The following NSD1 variants were observed in gnomAD, a reference collection of about 807,000 sequenced individuals.
The protein encoded by NSD1 is histone-lysine N-methyltransferase, H3 lysine-36 specific.
Under a neutral mutation model 242.7 loss-of-function variants are expected in NSD1, and 26 were observed. The observed-to-expected ratio is 0.11, with a 90% CI of 0.08 to 0.15. The LOEUF is 0.15. NSD1 is among the 10% of genes least tolerant of loss of function. The pLI is 1.00. For synonymous variants in NSD1, 1,106 were observed against 1,178.1 expected, an observed-to-expected ratio of 0.94 and a Z score of 1.25; for missense variants, 2,495 against 3,272.8, an observed-to-expected ratio of 0.76 and a Z score of 5.80.
chr5:177,242,729 A>G (rs999070048), intron 8 of NSD1, among the ~76,000 whole-genome samples: 9 of 151,874 alleles, frequency 5.9e-5, no homozygotes, highest in Admixed American at 2.6e-4. Flanking sequence ...GGGTTTCTCA[A>G]TGGTAGTCGG....
At chr5:177,217,652 G>A (rs977065292) in intron 5 of NSD1, among the ~76,000 whole-genome samples, 9 of 148,678 alleles carry the variant, frequency 6.1e-5, no homozygotes, top group Admixed American at 5.4e-4. Flanking sequence ...TTTGTTTTTG[G>A]ACAGCGTCAC....
Position 177,202,525 on chromosome 5 carries a change from C to T in NSD1, c.1064-1595C>T, listed in dbSNP as rs531703367. ...TCCCAAATAGATGGGACTACAGGCACATGCCACCATCCTCAGCCAGTATTT... is the reference window on the plus strand; with the variant it reads ...TCCCAAATAGATGGGACTACAGGCATATGCCACCATCCTCAGCCAGTATTT... On this transcript the variant is annotated intron_variant, in intron 3 of 22. Transcript: ENST00000439151. Among the ~76,000 whole-genome samples the T allele has an allele frequency of 5.9e-5, 9 of 152,180 alleles. No homozygotes were observed. In the South Asian group the frequency reaches 1.9e-3, roughly 32 times the overall value.
chr5:177,201,612 GC>G (rs575516869), intron 3 of NSD1, among the ~76,000 whole-genome samples: 15 of 148,084 alleles, frequency 1.0e-4, no homozygotes, highest in South Asian at 4.3e-4. Flanking sequence ...AGGCTAGAGT[GC>G]AGTGGTGGGA....
intron 2 of NSD1, among the ~76,000 whole-genome samples, chr5:177,170,524 T>C (rs1759610583): frequency 6.6e-6 from 1 of 152,030 alleles, no homozygotes; most frequent in Non-Finnish European, 1.5e-5. Flanking sequence ...CTAATTTTTT[T>C]TGTATTTTAG....
chr5:177,257,230 T>TTC (rs1562265682), intron 13 of NSD1, 79 bp downstream of exon 13: 15 of 430,516 alleles, frequency 3.5e-5, no homozygotes, highest in Middle Eastern at 4.3e-4. Context: ...TTTTCTTTCT[T>TTC]TTTTTTTTTT....
intron 5 of NSD1, among the ~76,000 whole-genome samples, chr5:177,213,026 T>C (rs1763481504): frequency 6.6e-6 from 1 of 152,200 alleles, no homozygotes; most frequent in African/African-American, 2.4e-5. Flanking sequence ...CTGCAAGTAT[T>C]CTGTAGTACT....
intron 2 of NSD1, among the ~76,000 whole-genome samples, chr5:177,139,632 C>T (rs1756644395): frequency 6.6e-6 from 1 of 152,086 alleles, no homozygotes; most frequent in South Asian, 2.1e-4. Context: ...TTTAGAAAAT[C>T]CTTAGCAAAT....
At chr5:177,164,149 C>CTTTTTTTTT (rs56076836) in intron 2 of NSD1, among the ~76,000 whole-genome samples, 11 of 138,394 alleles carry the variant, frequency 7.9e-5, no homozygotes, top group East Asian at 2.1e-4. Context: ...AAAATGTAAC[C>CTTTTTTTTT]TTTTTTTTTT....
chr5:177,160,491 C>T (rs746986022), intron 2 of NSD1, among the ~76,000 whole-genome samples: 15 of 147,390 alleles, frequency 1.0e-4, no homozygotes, highest in Non-Finnish European at 1.4e-4. Context: ...TTAGTAGTGA[C>T]GGGCTTTCAC....
chr5:177,287,118 A>T (rs992225965), intron 20 of NSD1, among the ~76,000 whole-genome samples: 2 of 152,198 alleles, frequency 1.3e-5, no homozygotes, highest in Admixed American at 1.3e-4. Context: ...TGATTGCTGC[A>T]TATTGAACTC....
At chr5:177,257,643 G>A (rs1227990814) in intron 13 of NSD1, among the ~76,000 whole-genome samples, 5 of 152,054 alleles carry the variant, frequency 3.3e-5, no homozygotes, top group African/African-American at 9.7e-5. Context: ...GGGGCATAAC[G>A]AACTAGTTCA....
intron 21 of NSD1, among the ~76,000 whole-genome samples, chr5:177,291,614 C>T (rs1470278633): frequency 6.6e-6 from 1 of 152,170 alleles, no homozygotes; most frequent in Non-Finnish European, 1.5e-5. Flanking sequence ...GATCGCGCCA[C>T]TGCACTCCAG....
chr5:177,285,983 C>T (rs1212647770), intron 20 of NSD1, among the ~76,000 whole-genome samples: 1 of 152,074 alleles, frequency 6.6e-6, no homozygotes, highest in African/African-American at 2.4e-5. Flanking sequence ...GCAACCTCCA[C>T]CTCGCGGGTT....
At chr5:177,164,983 A>G (rs1017736944) in intron 2 of NSD1, among the ~76,000 whole-genome samples, 1 of 151,630 alleles carries the variant, frequency 6.6e-6, no homozygotes, top group African/African-American at 2.4e-5. Flanking sequence ...TAAATAACTT[A>G]AGGCTGATTG....
intron 3 of NSD1, among the ~76,000 whole-genome samples, chr5:177,195,633 T>C (rs1187007540): frequency 6.6e-6 from 1 of 152,112 alleles, no homozygotes; most frequent in African/African-American, 2.4e-5. Flanking sequence ...ATGCCTGGCT[T>C]AGTTTTTAAT....
At position 177,190,966 on chromosome 5, in the gene NSD1, CT is replaced by C. The variant is rs70991598; in HGVS notation, c.928-904del. Among the ~76,000 whole-genome samples, 188 of 127,350 alleles carry C rather than the reference CT, an allele frequency of 1.5e-3. 2 individuals are homozygous for C. The highest frequency in any genetic ancestry group is 4.5e-3 in the Middle Eastern group (1 of 222). The allele number at this position is 127,350 out of a possible 152,430, so 83.5% of individuals were successfully genotyped here. On this transcript the variant is annotated intron_variant, in intron 2 of 22. Coordinates refer to ENST00000439151, the MANE Select transcript of NSD1 (RefSeq NM_022455.5). ...ACAGGCATGAGCCACTGCACCCAGC[CT>C]TTTTTTTTTTTTTCTTTTTTTTTTT... is the stretch of plus-strand genomic sequence containing the variant.
At chr5:177,252,990 A>AAAG (rs1175854061) in intron 12 of NSD1, among the ~76,000 whole-genome samples, 1 of 152,084 alleles carries the variant, frequency 6.6e-6, no homozygotes, top group African/African-American at 2.4e-5. Context: ...ATGCTCTTAT[A>AAAG]ACGAGTTACT....
chr5:177,194,384 T>TAGCTG (rs1761934305), intron 3 of NSD1, among the ~76,000 whole-genome samples: 2 of 151,142 alleles, frequency 1.3e-5, no homozygotes, highest in Non-Finnish European at 2.9e-5. Context: ...CTCAGCATCC[T>TAGCTG]GAATAGCTGG....
chr5:177,249,203 G>A (rs1168735974), intron 11 of NSD1, among the ~76,000 whole-genome samples: 1 of 152,152 alleles, frequency 6.6e-6, no homozygotes, highest in African/African-American at 2.4e-5. Context: ...GCAATGCGCA[G>A]TGGCTCATAC....
Sources: allele counts gnomAD v4.1 joint callset (sites outside exome capture counted in the v4.1 genomes callset), GRCh38; gene constraint gnomAD v4.1.1; transcripts MANE v1.5; gene names NCBI Gene and HGNC (gene_info 2026-07-23, HGNC 2026-07-21).